TMEM123: variants seen among roughly 807,000 people sequenced by gnomAD.
TMEM123 encodes the protein transmembrane protein 123.
Under a neutral mutation model 19.7 loss-of-function variants are expected in TMEM123, and 16 were observed. That is an observed-to-expected ratio of 0.81 (90% CI 0.55 to 1.23). The LOEUF is 1.23. Among genes scored for constraint, TMEM123 ranks in the 50% most tolerant of loss-of-function variants. The pLI, the probability that TMEM123 is intolerant of heterozygous loss-of-function variation, is 0.00. For synonymous variants in TMEM123, 118 were observed against 99.4 expected (o/e 1.19, Z -1.12); for missense variants, 313 against 257.8 (o/e 1.21, Z -1.47).
At chr11:102,423,789 C>T (rs537526099) in intron 2 of TMEM123, among the ~76,000 whole-genome samples, 4 of 152,216 alleles carry the variant, frequency 2.6e-5, no homozygotes, top group Non-Finnish European at 5.9e-5. Context: ...CACCAGCTAA[C>T]AGTGATTATT....
At chr11:102,448,022 C>G (rs942384012) in intron 2 of TMEM123, among the ~76,000 whole-genome samples, 4 of 152,116 alleles carry the variant, frequency 2.6e-5, no homozygotes, top group Non-Finnish European at 5.9e-5. Context: ...AACAAAAGAA[C>G]AAAAACTCCT....
intron 2 of TMEM123, among the ~76,000 whole-genome samples, chr11:102,404,288 A>G (rs1951935749): frequency 6.6e-6 from 1 of 152,034 alleles, no homozygotes. Context: ...ATATTTATTT[A>G]TTTATTTAAC....
chr11:102,405,221 G>C (rs1423256839), intron 2 of TMEM123, among the ~76,000 whole-genome samples: 2 of 151,802 alleles, frequency 1.3e-5, no homozygotes, highest in South Asian at 2.1e-4. Flanking sequence ...GCTAATTTTT[G>C]TATTTTTATT....
Position 102,398,853 on chromosome 11 carries a change from G to C in TMEM123, c.*14C>G, listed in dbSNP as rs1408487450. ...AGCATCAATCTGTATTCCATCCTTG[G>C]TCCATGGATTTCCTTAAATGATGGC... On this transcript the variant is annotated 3_prime_UTR_variant, in exon 5 of 5. Coordinates refer to ENST00000398136, the MANE Select transcript of TMEM123 (RefSeq NM_052932.3). 3 of 1,610,444 alleles carry C rather than the reference G, an allele frequency of 1.9e-6. No homozygotes were observed. The highest frequency in any genetic ancestry group is 2.5e-6 in the Non-Finnish European group (3 of 1,178,672).
intron 2 of TMEM123, among the ~76,000 whole-genome samples, chr11:102,426,438 C>G (rs1952126717): frequency 6.6e-6 from 1 of 151,620 alleles, no homozygotes; most frequent in African/African-American, 2.4e-5. Flanking sequence ...TCATTTCCCT[C>G]TATATTTATT....
chr11:102,445,118 T>C (rs1857869656), intron 2 of TMEM123, among the ~76,000 whole-genome samples: 1 of 152,090 alleles, frequency 6.6e-6, no homozygotes, highest in Admixed American at 6.5e-5. Context: ...CATGTATACA[T>C]ACGTAACAAA....
Position 102,398,116 on chromosome 11 carries a change from A to T in TMEM123, c.*751T>A, listed in dbSNP as rs1258485530. On this transcript the variant is annotated 3_prime_UTR_variant, in exon 5 of 5. Transcript: ENST00000398136. ...CAGGATTATTTAATACTGACAACTA[A>T]GTCTTTAAAACATTATTATGTTAAA... 1 of 152,848 alleles carries T rather than the reference A, an allele frequency of 6.5e-6. No individual in the cohort carries two copies. The highest frequency in any genetic ancestry group is 2.4e-5 in the African/African-American group (1 of 41,482). 9.5% of individuals were successfully genotyped at this position (152,848 alleles called of 1,614,324 possible).
intron 2 of TMEM123, among the ~76,000 whole-genome samples, chr11:102,413,395 G>A (rs1315097948): frequency 1.3e-5 from 2 of 152,102 alleles, no homozygotes; most frequent in African/African-American, 4.8e-5. Context: ...ACATGTGCAC[G>A]GACCCCACCA....
At chr11:102,433,275 G>A (rs1471082679) in intron 2 of TMEM123, among the ~76,000 whole-genome samples, 1 of 151,966 alleles carries the variant, frequency 6.6e-6, no homozygotes, top group Non-Finnish European at 1.5e-5. Flanking sequence ...AAAGCCACAG[G>A]GGTGGAGCTG....
chr11:102,402,018 G>C lies in TMEM123; in HGVS notation c.346C>G (p.Pro116Ala). Reference sequence around the variant, plus strand: ...TTCTGTGAAACACTTGTTGTTTTGGGTGTAGACTTTAAGGTGGTAGAAGTC... The same window carrying C: ...TTCTGTGAAACACTTGTTGTTTTGGCTGTAGACTTTAAGGTGGTAGAAGTC... ...NMTSTTLKST[P>A]KTTSVSQNTS... The change falls in exon 3 of 5, where the codon CCC (proline) becomes GCC (alanine). Residue 116 changes from proline to alanine, a missense_variant. Coordinates refer to ENST00000398136, the MANE Select transcript of TMEM123 (RefSeq NM_052932.3). The C allele has an allele frequency of 1.9e-6, 3 of 1,614,162 alleles. No individual in the cohort carries two copies. Among genetic ancestry groups the C allele is most frequent in the Non-Finnish European group, 1.7e-6 (2 of 1,180,038 alleles).
At chr11:102,425,757 T>C (rs977445462) in intron 2 of TMEM123, among the ~76,000 whole-genome samples, 17 of 151,824 alleles carry the variant, frequency 1.1e-4, no homozygotes, top group Non-Finnish European at 2.5e-4. Context: ...CTAATTTTTG[T>C]ATTTTTTGTG....
At chr11:102,448,899 A>G in intron 1 of TMEM123, 31 bp from the exon 2 acceptor site, 1 of 1,607,698 alleles carries the variant, frequency 6.2e-7, no homozygotes, top group Middle Eastern at 1.7e-4. Context: ...CCTGTTATGA[A>G]AGAACATTTA....
At chr11:102,438,053 T>C (rs1395457711) in intron 2 of TMEM123, among the ~76,000 whole-genome samples, 2 of 152,052 alleles carry the variant, frequency 1.3e-5, no homozygotes, top group Admixed American at 6.5e-5. Flanking sequence ...ACCCTGTTTA[T>C]TTATTATTAT....
Position 102,424,635 on chromosome 11 carries a change from G to A in TMEM123, c.158-22429C>T, listed in dbSNP as rs560609907. On this transcript the variant is annotated intron_variant, in intron 2 of 4. Transcript: ENST00000398136. Reference sequence around the variant, plus strand: ...ACCCAGGAGGCGGAGTCTGCAATGAGCAAAGACTGCACCACTGCACTCCAG... The same window carrying A: ...ACCCAGGAGGCGGAGTCTGCAATGAACAAAGACTGCACCACTGCACTCCAG... Among the ~76,000 whole-genome samples, 19 of 152,160 alleles carry A rather than the reference G, an allele frequency of 1.2e-4. 1 individual carries two copies. The South Asian group carries it at 3.7e-3, about 30-fold the overall frequency.
chr11:102,435,412 A>C (rs1857752576), intron 2 of TMEM123, among the ~76,000 whole-genome samples: 1 of 151,966 alleles, frequency 6.6e-6, no homozygotes, highest in Non-Finnish European at 1.5e-5. Flanking sequence ...ATTAGGTTAG[A>C]TACAACGAAA....
chr11:102,448,788 T>G (rs757017684), intron 2 of TMEM123, 24 bp downstream of exon 2: 2 of 1,610,844 alleles, frequency 1.2e-6, no homozygotes, highest in East Asian at 2.2e-5. Flanking sequence ...TGAAAATTTG[T>G]TTTTTTAATC....
chr11:102,448,693 G>A, intron 2 of TMEM123, 119 bp downstream of exon 2: 1 of 889,058 alleles, frequency 1.1e-6, no homozygotes, highest in Admixed American at 1.9e-5. Flanking sequence ...GGATTCATGG[G>A]TGAAGAACTC....
chr11:102,408,513 T>C (rs1432258555), intron 2 of TMEM123, among the ~76,000 whole-genome samples: 4 of 152,230 alleles, frequency 2.6e-5, no homozygotes, highest in Non-Finnish European at 5.9e-5. Flanking sequence ...TTAATCTCTC[T>C]GAGATTCACT....
intron 4 of TMEM123, 137 bp from the exon 5 acceptor site, chr11:102,399,028 T>TAA (rs1289703641): frequency 6.9e-6 from 5 of 724,600 alleles, no homozygotes; most frequent in Admixed American, 2.9e-5. Context: ...TGTGTAAAGT[T>TAA]CCTTAAGTAT....
Sources: gnomAD v4.1 joint callset for allele counts (sites outside exome capture counted in the v4.1 genomes callset) on GRCh38, gnomAD v4.1.1 for gene constraint, MANE v1.5 for transcripts, NCBI Gene and HGNC (gene_info 2026-07-23, HGNC 2026-07-21) for gene names.